Variants in ALDH1A1 observed in about 807,000 individuals in gnomAD.
The protein encoded by ALDH1A1 is aldehyde dehydrogenase 1A1.
In ALDH1A1, 19 loss-of-function variants were observed where a neutral mutation model predicts 62.1. The ratio of observed to expected loss-of-function variants is 0.31; its 90% CI spans 0.21 to 0.45. ALDH1A1 has a LOEUF of 0.45. Ranked by LOEUF, ALDH1A1 falls within the 20% of genes least tolerant of loss-of-function variation. The pLI is 1.00. For synonymous variants in ALDH1A1, 231 were observed against 215.9 expected, an observed-to-expected ratio of 1.07 and a Z score of -0.61; for missense variants, 521 against 607.1, an observed-to-expected ratio of 0.86 and a Z score of 1.49.
In ALDH1A1 at chr9:72,924,091, A is replaced by C; in HGVS notation, c.675T>G (p.Tyr225Ter). The C allele has an allele frequency of 6.2e-7, 1 of 1,613,234 alleles. No individual in the cohort carries two copies. The highest frequency in any genetic ancestry group is 8.5e-7 in the Non-Finnish European group (1 of 1,179,504). ...AAATGGCTGCCCCTGCTGTAGGCCC[A>C]TAACCAGGAACAATATTCACTACTC... ...PPGVVNIVPGYGPTAGAAISS... is the reference protein window; with the variant it reads ...PPGVVNIVPG Residue 225 changes from tyrosine (Y) to a stop codon, truncating the protein, a stop_gained, in exon 7 of 13, where the codon TAT becomes TAG. Coordinates refer to ENST00000297785, the MANE Select transcript of ALDH1A1 (RefSeq NM_000689.5). LOFTEE classifies it high-confidence loss of function.
Position 72,949,827 on chromosome 9 carries a change from A to G in ALDH1A1, c.66+3108T>C, listed in dbSNP as rs559001263. ...GAATGCTTGTCTTCTTGAATTTCCT[A>G]TTTCCCTTTTATAAAAAAAAAAAAA... On this transcript the variant is annotated intron_variant, in intron 1 of 12. Coordinates refer to ENST00000297785, the MANE Select transcript of ALDH1A1 (RefSeq NM_000689.5). 1.6e-3 allele frequency among the ~76,000 whole-genome samples: 221 copies of G among 136,536 alleles called. 5 individuals are homozygous for G. Among genetic ancestry groups the G allele is most frequent in the Admixed American group, 1.4e-3 (18 of 12,644 alleles). The allele number at this position is 136,536 out of a possible 152,430, so 89.6% of individuals were successfully genotyped here.
At chr9:72,913,137 A>C (rs1452235875) in intron 9 of ALDH1A1, among the ~76,000 whole-genome samples, 1 of 152,174 alleles carries the variant, frequency 6.6e-6, no homozygotes, top group Non-Finnish European at 1.5e-5. Context: ...CTGACTCTGC[A>C]AATCTTCTTT....
chr9:72,942,306 C>G, intron 1 of ALDH1A1: 1 of 985,342 alleles, frequency 1.0e-6, no homozygotes, highest in Non-Finnish European at 1.2e-6. Context: ...GTCCCGAACT[C>G]AGCTCACTGT....
chr9:72,908,272 A>G (rs13294502), intron 11 of ALDH1A1, among the ~76,000 whole-genome samples: 1 of 151,186 alleles, frequency 6.6e-6, no homozygotes, highest in Non-Finnish European at 1.5e-5. Flanking sequence ...AAAGAAAAAA[A>G]CAAAATACAA....
At chr9:72,911,928 A>G in intron 10 of ALDH1A1, 30 bp downstream of exon 10, 1 of 1,612,628 alleles carries the variant, frequency 6.2e-7, no homozygotes, top group Middle Eastern at 1.7e-4. Context: ...CATGGCAACA[A>G]AAAGAACAGA....
chr9:72,920,412 T>G (rs1038797895), intron 7 of ALDH1A1, among the ~76,000 whole-genome samples: 4 of 152,080 alleles, frequency 2.6e-5, no homozygotes, highest in African/African-American at 7.2e-5. Flanking sequence ...TGTTAAGGAG[T>G]TTTTAATTTT....
At chr9:72,922,670 C>T (rs904081353) in intron 7 of ALDH1A1, among the ~76,000 whole-genome samples, 2 of 152,192 alleles carry the variant, frequency 1.3e-5, no homozygotes, top group African/African-American at 4.8e-5. Flanking sequence ...CAGACCTCAA[C>T]AGGCACATGG....
intron 1 of ALDH1A1, among the ~76,000 whole-genome samples, chr9:72,950,927 A>G (rs1046846534): frequency 6.6e-6 from 1 of 151,872 alleles, no homozygotes; most frequent in African/African-American, 2.4e-5. Context: ...CATAGTAAAC[A>G]AAAAATGCGA....
chr9:72,947,254 G>C (rs1830487602), intron 1 of ALDH1A1, among the ~76,000 whole-genome samples: 1 of 151,974 alleles, frequency 6.6e-6, no homozygotes, highest in Non-Finnish European at 1.5e-5. Context: ...TTTCTGCTTA[G>C]CTCTGGCACT....
At chr9:72,943,258 G>T (rs946952033) in intron 1 of ALDH1A1, among the ~76,000 whole-genome samples, 3 of 152,016 alleles carry the variant, frequency 2.0e-5, no homozygotes, top group African/African-American at 4.8e-5. Flanking sequence ...TCTAGTTCTC[G>T]CCCGAGTCCT....
At chr9:72,929,157 T>A in intron 3 of ALDH1A1, 136 bp from the exon 4 acceptor site, 1 of 951,592 alleles carries the variant, frequency 1.1e-6, no homozygotes, top group Non-Finnish European at 1.5e-6. Context: ...TAACCTCCAC[T>A]TTTTAAGAGT....
intron 12 of ALDH1A1, 24 bp from the exon 13 acceptor site, chr9:72,901,304 A>G: frequency 6.5e-7 from 1 of 1,527,276 alleles, no homozygotes; most frequent in Admixed American, 1.7e-5. Flanking sequence ...AAACATACCC[A>G]CAAACACCAT....
chr9:72,945,353 A>T (rs559044980), intron 1 of ALDH1A1, among the ~76,000 whole-genome samples: 2 of 151,942 alleles, frequency 1.3e-5, no homozygotes, highest in African/African-American at 4.8e-5. Flanking sequence ...CTGGGCCAGC[A>T]GCCCTAGAGT....
intron 7 of ALDH1A1, among the ~76,000 whole-genome samples, chr9:72,920,002 T>C (rs1282252103): frequency 6.6e-6 from 1 of 152,210 alleles, no homozygotes; most frequent in Admixed American, 6.5e-5. Context: ...GCAGCCTTAA[T>C]CCACCAACAT....
chr9:72,928,528 T>C (rs1397327919), intron 4 of ALDH1A1, among the ~76,000 whole-genome samples: 1 of 152,186 alleles, frequency 6.6e-6, no homozygotes, highest in Non-Finnish European at 1.5e-5. Context: ...AGAAAGGATA[T>C]AAATGTCAGT....
intron 9 of ALDH1A1, among the ~76,000 whole-genome samples, chr9:72,915,863 T>A (rs1830055480): frequency 6.6e-6 from 1 of 152,222 alleles, no homozygotes; most frequent in Non-Finnish European, 1.5e-5. Context: ...AACTTTTAGT[T>A]AATTGAATTT....
Position 72,934,939 on chromosome 9 carries a change from A to G in ALDH1A1, c.172-3920T>C, listed in dbSNP as rs1410274778. 7.9e-5 allele frequency among the ~76,000 whole-genome samples: 9 copies of G among 113,940 alleles called. No homozygotes were observed. The South Asian group carries it at 2.4e-3, about 30-fold the overall frequency. 74.7% of individuals were successfully genotyped at this position (113,940 alleles called of 152,430 possible). A position where few individuals can be genotyped will look rare whatever the true frequency, so the allele number is the denominator to read the frequency against. On this transcript the variant is annotated intron_variant, in intron 2 of 12. Coordinates refer to ENST00000297785, the MANE Select transcript of ALDH1A1 (RefSeq NM_000689.5). ...TAATGACCTCCTTTGCAACAAATAT[A>G]TACTGCTATTTGTTTTGTAAACTGT...
At chr9:72,923,672 C>T (rs1174344267) in intron 7 of ALDH1A1, among the ~76,000 whole-genome samples, 1 of 152,152 alleles carries the variant, frequency 6.6e-6, no homozygotes, top group Non-Finnish European at 1.5e-5. Context: ...TTTTCATAAC[C>T]TATAGGATAA....
At chr9:72,919,340 A>G (rs1756839456) in intron 7 of ALDH1A1, among the ~76,000 whole-genome samples, 1 of 152,178 alleles carries the variant, frequency 6.6e-6, no homozygotes, top group Admixed American at 6.5e-5. Context: ...TCAAACTGAC[A>G]TATTCACTAC....
Sources: allele counts gnomAD v4.1 joint callset (sites outside exome capture counted in the v4.1 genomes callset), GRCh38; gene constraint gnomAD v4.1.1; transcripts MANE v1.5; gene names NCBI Gene and HGNC (gene_info 2026-07-23, HGNC 2026-07-21).